The following PCDH11X variants were observed in gnomAD, a reference collection of about 807,000 sequenced individuals.
PCDH11X encodes the protein protocadherin 11 X-linked.
A neutral mutation model predicts 53.3 loss-of-function variants in PCDH11X; 18 were observed. The ratio of observed to expected loss-of-function variants is 0.34; its 90% CI spans 0.23 to 0.50. The LOEUF (loss-of-function observed/expected upper bound fraction) is 0.50. PCDH11X is among the 20% of genes least tolerant of loss of function. The probability of loss-of-function intolerance (pLI) is 0.98; values close to 1 mark genes in which losing one functional copy is unlikely to be tolerated. For synonymous variants in PCDH11X, 279 were observed against 393.3 expected (o/e 0.71, Z 3.44); for missense variants, 570 against 1,032.4 (o/e 0.55, Z 6.14).
At chrX:92,440,937 G>T (rs1411457011) in intron 9 of PCDH11X, among the ~76,000 whole-genome samples, 1 of 111,419 alleles carries the variant, frequency 9.0e-6, no homozygotes, top group Non-Finnish European at 1.9e-5. Context: ...TGACTAAAAT[G>T]CTGATAGTAA....
intron 8 of PCDH11X, among the ~76,000 whole-genome samples, chrX:92,314,322 A>C (rs1381557885): frequency 9.0e-6 from 1 of 111,211 alleles, no homozygotes; most frequent in Admixed American, 9.6e-5. Flanking sequence ...ATCTTGTCTC[A>C]CTGGAAGATC....
intron 6 of PCDH11X, among the ~76,000 whole-genome samples, chrX:92,185,721 G>T (rs369684505): frequency 9.1e-6 from 1 of 110,217 alleles, no homozygotes; most frequent in East Asian, 2.8e-4. Context: ...CATACAAATG[G>T]CCAATAAGTA....
At chrX:92,100,474 C>T (rs2064222004) in intron 6 of PCDH11X, among the ~76,000 whole-genome samples, 1 of 110,097 alleles carries the variant, frequency 9.1e-6, no homozygotes, top group Non-Finnish European at 1.9e-5. Context: ...GCTTTTTGAG[C>T]CAGGATGAGC....
chrX:92,067,207 T>A (rs1189276470), intron 6 of PCDH11X, among the ~76,000 whole-genome samples: 2 of 111,381 alleles, frequency 1.8e-5, no homozygotes, highest in Non-Finnish European at 3.8e-5. Flanking sequence ...TGTTGAATAA[T>A]AGTGGTGAAA....
chrX:92,177,425 A>T (rs915434612), intron 6 of PCDH11X, among the ~76,000 whole-genome samples: 2 of 111,900 alleles, frequency 1.8e-5, no homozygotes, highest in African/African-American at 6.5e-5. Flanking sequence ...TTCTGATTTT[A>T]TCACAAAAGC....
chrX:92,370,704 C>T (rs999917265), intron 8 of PCDH11X, among the ~76,000 whole-genome samples: 5 of 111,078 alleles, frequency 4.5e-5, no homozygotes, highest in South Asian at 3.8e-4. Context: ...GTGATCCGCC[C>T]GCCTCAGCCT....
intron 6 of PCDH11X, among the ~76,000 whole-genome samples, chrX:92,062,838 A>G (rs1470307267): frequency 1.8e-5 from 2 of 111,592 alleles, no homozygotes; most frequent in African/African-American, 6.5e-5. Context: ...CAGCAATCCC[A>G]TTACTGAGTA....
chrX:91,861,673 T>C (rs1938681640), intron 5 of PCDH11X, among the ~76,000 whole-genome samples: 1 of 111,981 alleles, frequency 8.9e-6, no homozygotes, highest in African/African-American at 3.3e-5. Context: ...CTGCTGAGAT[T>C]CTGCACAATT....
At position 92,352,938 on chromosome X, in the gene PCDH11X, C is replaced by T. The variant is rs778400588; in HGVS notation, c.3145-34797C>T. 2.6e-3 allele frequency among the ~76,000 whole-genome samples: 285 copies of T among 109,321 alleles called. 1 individual carries two copies. Among genetic ancestry groups the T allele is most frequent in the Non-Finnish European group, 4.1e-3 (213 of 52,570 alleles). The allele number at this position is 109,321 out of a possible 115,157, so 94.9% of individuals were successfully genotyped here. On this transcript the variant is annotated intron_variant, in intron 8 of 10. Transcript: ENST00000682573. ...ATTCTCTTGGCTTTCCTAGTATATT[C>T]CTGAAGTAGTTCTTGGAACAAAAGT...
intron 6 of PCDH11X, among the ~76,000 whole-genome samples, chrX:91,977,443 C>T (rs2062061402): frequency 8.9e-6 from 1 of 112,030 alleles, no homozygotes; most frequent in Non-Finnish European, 1.9e-5. Context: ...CCCCAAACCA[C>T]ATTGACTTAT....
At chrX:92,510,993 G>A (rs2074151607) in intron 10 of PCDH11X, among the ~76,000 whole-genome samples, 2 of 111,267 alleles carry the variant, frequency 1.8e-5, no homozygotes, top group African/African-American at 6.5e-5. Flanking sequence ...CAGAAGCGCT[G>A]AGTGTGGTTG....
chrX:92,346,974 C>A (rs1484572897), intron 8 of PCDH11X, among the ~76,000 whole-genome samples: 1 of 111,199 alleles, frequency 9.0e-6, no homozygotes. Flanking sequence ...GTAAAAAAAA[C>A]TAAGGTTTAT....
At chrX:92,112,654 C>A (rs1408205390) in intron 6 of PCDH11X, among the ~76,000 whole-genome samples, 2 of 109,306 alleles carry the variant, frequency 1.8e-5, no homozygotes, top group Non-Finnish European at 3.8e-5. Flanking sequence ...CCATGATAAT[C>A]CATTTATAGA....
intron 6 of PCDH11X, among the ~76,000 whole-genome samples, chrX:91,999,772 C>A (rs2062478837): frequency 9.1e-6 from 1 of 109,346 alleles, no homozygotes; most frequent in Non-Finnish European, 1.9e-5. Context: ...GGTGTTTATT[C>A]CAACAATCTA....
At chrX:91,981,673 C>T (rs1188574066) in intron 6 of PCDH11X, among the ~76,000 whole-genome samples, 2 of 110,933 alleles carry the variant, frequency 1.8e-5, no homozygotes, top group African/African-American at 6.6e-5. Context: ...TACAGTTCCA[C>T]ATGGCTGGGG....
intron 10 of PCDH11X, among the ~76,000 whole-genome samples, chrX:92,575,999 T>C (rs1602367757): frequency 2.6e-5 from 1 of 38,398 alleles, no homozygotes; most frequent in Non-Finnish European, 5.1e-5. Flanking sequence ...TATATATATA[T>C]ATATATATAT....
At chrX:91,886,848 G>A (rs1335298933) in intron 6 of PCDH11X, among the ~76,000 whole-genome samples, 3 of 107,390 alleles carry the variant, frequency 2.8e-5, no homozygotes, top group Non-Finnish European at 3.8e-5. Context: ...GCGGGCGCCT[G>A]TAGTCCCAGC....
chrX:92,092,367 G>A (rs896623879), intron 6 of PCDH11X, among the ~76,000 whole-genome samples: 1 of 111,495 alleles, frequency 9.0e-6, no homozygotes, highest in Non-Finnish European at 1.9e-5. Context: ...GAAAATTTGA[G>A]ACAAGTCTTA....
chrX:91,795,200 A>G (rs977715124), intron 1 of PCDH11X, among the ~76,000 whole-genome samples: 1 of 112,027 alleles, frequency 8.9e-6, no homozygotes, highest in African/African-American at 3.2e-5. Context: ...AGTAACTTAA[A>G]ACACAAATAC....
Sources: allele counts gnomAD v4.1 joint callset (sites outside exome capture counted in the v4.1 genomes callset), GRCh38; gene constraint gnomAD v4.1.1; transcripts MANE v1.5; gene names NCBI Gene and HGNC (gene_info 2026-07-23, HGNC 2026-07-21).